NPS: variants seen among roughly 807,000 people sequenced by gnomAD.
NPS encodes the protein neuropeptide S.
A neutral mutation model predicts 7.2 loss-of-function variants in NPS; 6 were observed. The ratio of observed to expected loss-of-function variants is 0.83; its 90% CI spans 0.46 to 1.64. NPS has a LOEUF of 1.64. NPS is among the 40% of genes most tolerant of loss of function. NPS has a pLI of 0.01. For missense variants in NPS, 123 were observed against 97.8 expected (o/e 1.26, Z -1.09); for synonymous variants, 42 against 36.7 (o/e 1.14, Z -0.52).
chr10:127,549,432 A>G, intron 1 of NPS, 56 bp downstream of exon 1: 1 of 1,589,586 alleles, frequency 6.3e-7, no homozygotes, highest in Non-Finnish European at 8.6e-7. Flanking sequence ...ATGCTGTTTT[A>G]CTTATTCTTG....
chr10:127,552,159 T>C (rs536790170), intron 2 of NPS, among the ~76,000 whole-genome samples: 2 of 152,322 alleles, frequency 1.3e-5, no homozygotes, highest in South Asian at 4.1e-4. Context: ...GGCTAATTAG[T>C]GCTGCTTGAA....
intron 2 of NPS, among the ~76,000 whole-genome samples, chr10:127,551,151 C>T (rs113162812): frequency 2.6e-5 from 4 of 152,004 alleles, no homozygotes; most frequent in African/African-American, 2.4e-5. Context: ...TGTTAGCACA[C>T]GGAAAAATAC....
intron 2 of NPS, among the ~76,000 whole-genome samples, chr10:127,550,463 T>A (rs1331985070): frequency 6.6e-6 from 1 of 152,188 alleles, no homozygotes; most frequent in Non-Finnish European, 1.5e-5. Context: ...TAGTCATCAA[T>A]TCTATAAGAC....
chr10:127,551,436 GA>G (rs917518841), intron 2 of NPS, among the ~76,000 whole-genome samples: 1 of 151,496 alleles, frequency 6.6e-6, no homozygotes, highest in African/African-American at 2.4e-5. Flanking sequence ...CACCAAGATA[GA>G]AAAAAAAGTA....
rs1844878024 is a variant in NPS at position 127,553,538 on chromosome 10, G to T, written c.*899G>T. On this transcript the variant is annotated 3_prime_UTR_variant, in exon 3 of 3. Transcript: ENST00000398023. Reference sequence around the variant, plus strand: ...GCATAATGTTAATAAATCTGTTCACGCATATTGGATTCTGCAGCACACTAA... The same window carrying T: ...GCATAATGTTAATAAATCTGTTCACTCATATTGGATTCTGCAGCACACTAA... Among the ~76,000 whole-genome samples, 1 of 152,036 alleles carries T rather than the reference G, an allele frequency of 6.6e-6. No individual in the cohort carries two copies.
At chr10:127,551,302 C>T (rs1213275084) in intron 2 of NPS, among the ~76,000 whole-genome samples, 1 of 151,884 alleles carries the variant, frequency 6.6e-6, no homozygotes, top group Non-Finnish European at 1.5e-5. Flanking sequence ...AATGATTTGT[C>T]TGGGTTGCAC....
rs1226865822 is a variant in NPS at position 127,553,102 on chromosome 10, TGTGAAGTTAACCA to T, written c.*464_*476del. 6.6e-6 allele frequency among the ~76,000 whole-genome samples: 1 copy of T among 152,164 alleles called. No individual in the cohort carries two copies. Among genetic ancestry groups the T allele is most frequent in the Non-Finnish European group, 1.5e-5 (1 of 68,030 alleles). ...GTGCTATTTCTGTTTCTAAGGGGCT[TGTGAAGTTAACCA>T]AAATTAAGGTGAATGGTACAGCTGT... is the stretch of plus-strand genomic sequence containing the variant. On this transcript the variant is annotated 3_prime_UTR_variant, in exon 3 of 3. Transcript: ENST00000398023.
rs1350242531 is a variant in NPS at position 127,553,100 on chromosome 10, C to T, written c.*461C>T. ...ATGTGCTATTTCTGTTTCTAAGGGG[C>T]TTGTGAAGTTAACCAAAATTAAGGT... On this transcript the variant is annotated 3_prime_UTR_variant, in exon 3 of 3. Transcript: ENST00000398023. Among the ~76,000 whole-genome samples, 1 of 151,928 alleles carries T rather than the reference C, an allele frequency of 6.6e-6. No individual in the cohort carries two copies. The highest frequency in any genetic ancestry group is 1.5e-5 in the Non-Finnish European group (1 of 68,018).
Position 127,552,668 on chromosome 10 carries a change from A to G in NPS, c.*29A>G. 1.3e-6 allele frequency: 2 copies of G among 1,502,176 alleles called. No homozygotes were observed. The highest frequency in any genetic ancestry group is 1.9e-6 in the Non-Finnish European group (2 of 1,080,832). The allele number at this position is 1,502,176 out of a possible 1,614,324, so 93.1% of individuals were successfully genotyped here. A position where few individuals can be genotyped will look rare whatever the true frequency, so the allele number is the denominator to read the frequency against. Reference sequence around the variant, plus strand: ...AGTGTGCAAAGGACTCGGGGAATTAATCTAACTGTAGAGTGTGACTGACGT... The same window carrying G: ...AGTGTGCAAAGGACTCGGGGAATTAGTCTAACTGTAGAGTGTGACTGACGT... On this transcript the variant is annotated 3_prime_UTR_variant, in exon 3 of 3. Transcript: ENST00000398023.
chr10:127,549,535 C>T lies in NPS; in HGVS notation c.55C>T (p.His19Tyr). 6.2e-7 allele frequency: 1 copy of T among 1,611,928 alleles called. No individual in the cohort carries two copies. The highest frequency in any genetic ancestry group is 8.5e-7 in the Non-Finnish European group (1 of 1,178,030). Residue 19 changes from histidine to tyrosine, a missense_variant, in exon 2 of 3, where the codon CAT (histidine) becomes TAT (tyrosine). Coordinates refer to ENST00000398023, the MANE Select transcript of NPS (RefSeq NM_001030013.2). ...LILVLSLSTM[H>Y]VFWCYPVPSS... Reference sequence around the variant, plus strand: ...CCTAGTTCTGTCGCTGTCCACAATGCATGTGTTTTGGTGTTATCCAGTTCC... The same window carrying T: ...CCTAGTTCTGTCGCTGTCCACAATGTATGTGTTTTGGTGTTATCCAGTTCC...
rs1434756989 is a variant in NPS, at chr10:127,552,546, G to C, written c.177G>C (p.Lys59Asn). The change falls in exon 3 of 3, where the codon AAG becomes AAC. Residue 59 changes from lysine (K) to asparagine (N), a missense_variant. By Grantham distance (94) the Lys-to-Asn change is moderately conservative. Transcript: ENST00000398023. The part of the protein sequence containing the change: ...LDRSKELAFL[K>N]PILEKMFVKR... ...GGAGCAAAGAACTAGCTTTTCTAAA[G>C]CCAATTTTGGAGAAGATGTTTGTGA... 6.2e-7 allele frequency: 1 copy of C among 1,613,128 alleles called. No individual in the cohort carries two copies. Among genetic ancestry groups the C allele is most frequent in the Admixed American group, 1.7e-5 (1 of 60,024 alleles).
intron 2 of NPS, among the ~76,000 whole-genome samples, chr10:127,549,912 T>A (rs1180065566): frequency 6.6e-6 from 1 of 152,224 alleles, no homozygotes; most frequent in Non-Finnish European, 1.5e-5. Context: ...ATGGAAACTA[T>A]ATTAAAAATA....
chr10:127,551,519 T>C (rs1844858825), intron 2 of NPS, among the ~76,000 whole-genome samples: 1 of 152,182 alleles, frequency 6.6e-6, no homozygotes, highest in South Asian at 2.1e-4. Flanking sequence ...CTTGTAGTTC[T>C]AGTATAGTTG....
rs1844873371 is a variant in NPS at position 127,553,073 on chromosome 10, G to A, written c.*434G>A. 6.6e-6 allele frequency among the ~76,000 whole-genome samples: 1 copy of A among 151,962 alleles called. No homozygotes were observed. The highest frequency in any genetic ancestry group is 6.6e-5 in the Admixed American group (1 of 15,262). Reference sequence around the variant, plus strand: ...AACAGGCTCAATTCTTGGGGTGGGGGGATGTGCTATTTCTGTTTCTAAGGG... The same window carrying A: ...AACAGGCTCAATTCTTGGGGTGGGGAGATGTGCTATTTCTGTTTCTAAGGG... On this transcript the variant is annotated 3_prime_UTR_variant, in exon 3 of 3. Transcript: ENST00000398023.
chr10:127,549,510 C>G lies in NPS; in HGVS notation c.30C>G (p.Ile10Met). The change falls in exon 2 of 3, where the codon ATC becomes ATG. Residue 10 changes from isoleucine (I) to methionine (M), a missense_variant. By Grantham distance (10) the Ile-to-Met change is conservative. Transcript: ENST00000398023. MISSVKLNLILVLSLSTMHV... is the reference protein window; with the variant it reads MISSVKLNLMLVLSLSTMHV... ...GCAGCTCAGTAAAACTCAATCTCAT[C>G]CTAGTTCTGTCGCTGTCCACAATGC... is the stretch of plus-strand genomic sequence containing the variant. The G allele has an allele frequency of 6.2e-7, 1 of 1,612,216 alleles. No individual in the cohort carries two copies. The highest frequency in any genetic ancestry group is 2.2e-5 in the East Asian group (1 of 44,862).
chr10:127,550,839 TAA>T (rs1416404280), intron 2 of NPS, among the ~76,000 whole-genome samples: 2 of 152,214 alleles, frequency 1.3e-5, no homozygotes, highest in Non-Finnish European at 2.9e-5. Context: ...TAGGCTTTTA[TAA>T]TATTTGTTGC....
rs532904225 is a variant in NPS at position 127,553,161 on chromosome 10, A to G, written c.*522A>G. Among the ~76,000 whole-genome samples, 3 of 152,312 alleles carry G rather than the reference A, an allele frequency of 2.0e-5. No homozygotes were observed. Among genetic ancestry groups the G allele is most frequent in the Non-Finnish European group, 4.4e-5 (3 of 68,024 alleles). The stretch of plus-strand genomic sequence containing the variant: ...GCTGTATCAATTGATTAATTAATTG[A>G]TACCAAGAACAAACATCCCTGGAGC... On this transcript the variant is annotated 3_prime_UTR_variant, in exon 3 of 3. Coordinates refer to ENST00000398023, the MANE Select transcript of NPS (RefSeq NM_001030013.2).
At chr10:127,550,609 C>A (rs1844849124) in intron 2 of NPS, among the ~76,000 whole-genome samples, 1 of 152,138 alleles carries the variant, frequency 6.6e-6, no homozygotes, top group Admixed American at 6.5e-5. Context: ...TTCTCTGTAG[C>A]TTTTTTAAAA....
At chr10:127,550,433 A>G (rs935624533) in intron 2 of NPS, among the ~76,000 whole-genome samples, 14 of 152,052 alleles carry the variant, frequency 9.2e-5, no homozygotes, top group Non-Finnish European at 1.2e-4. Context: ...GTTTCCTCCT[A>G]TGAGCATTCA....
Sources: gnomAD v4.1 joint callset for allele counts (sites outside exome capture counted in the v4.1 genomes callset) on GRCh38, gnomAD v4.1.1 for gene constraint, MANE v1.5 for transcripts, NCBI Gene and HGNC (gene_info 2026-07-23, HGNC 2026-07-21) for gene names.